Variants in RPH3A observed in about 807,000 individuals in gnomAD.
RPH3A encodes the protein rabphilin-3A.
A neutral mutation model predicts 102.2 loss-of-function variants in RPH3A; 48 were observed. That is an observed-to-expected ratio of 0.47 (90% confidence interval 0.37 to 0.60). RPH3A has a LOEUF of 0.60. Ranked by LOEUF, RPH3A falls within the 20% of genes least tolerant of loss-of-function variation. RPH3A has a pLI of 0.00. For missense variants in RPH3A, 781 were observed against 910.1 expected, an observed-to-expected ratio of 0.86 and a Z score of 1.83; for synonymous variants, 310 against 324.3, an observed-to-expected ratio of 0.96 and a Z score of 0.47.
chr12:112,746,040 A>G (rs1484897835), intron 1 of RPH3A, among the ~76,000 whole-genome samples: 1 of 151,920 alleles, frequency 6.6e-6, no homozygotes, highest in African/African-American at 2.4e-5. Context: ...GTGAATCCAG[A>G]TGAGGTTAAG....
chr12:112,796,907 T>A (rs1009900934), intron 2 of RPH3A, among the ~76,000 whole-genome samples: 4 of 152,008 alleles, frequency 2.6e-5, no homozygotes, highest in Admixed American at 6.6e-5. Context: ...AAAATTAGCT[T>A]GGTGTGGTGG....
intron 4 of RPH3A, among the ~76,000 whole-genome samples, chr12:112,845,837 A>G (rs1207510583): frequency 6.6e-6 from 1 of 152,156 alleles, no homozygotes; most frequent in African/African-American, 2.4e-5. Context: ...AATTTAAAAG[A>G]TAACTTCAGC....
chr12:112,724,995 T>A (rs1314088951), intron 1 of RPH3A, among the ~76,000 whole-genome samples: 1 of 146,694 alleles, frequency 6.8e-6, no homozygotes, highest in Non-Finnish European at 1.5e-5. Context: ...ATGCCTGTAA[T>A]CCCGGCACTT....
At chr12:112,646,429 A>C (rs1051872938) in intron 1 of RPH3A, among the ~76,000 whole-genome samples, 1 of 152,112 alleles carries the variant, frequency 6.6e-6, no homozygotes, top group Non-Finnish European at 1.5e-5. Context: ...CCTCTTTTTA[A>C]GAGCAAAAAT....
intron 1 of RPH3A, among the ~76,000 whole-genome samples, chr12:112,691,509 T>A (rs1184222890): frequency 6.6e-6 from 1 of 152,238 alleles, no homozygotes; most frequent in African/African-American, 2.4e-5. Flanking sequence ...TGTCCAGAAG[T>A]ACAGTACCCT....
Position 112,868,468 on chromosome 12 carries a change from C to T in RPH3A, c.483C>T (p.Phe161=). The part of the protein sequence containing the change: ...KRSGAWFFKG[F]PKQVLPQPMP... The stretch of plus-strand genomic sequence containing the variant: ...CTGGAGCGTGGTTCTTCAAAGGCTT[C>T]CCCAAACAGGTCCTCCCACAGCCTA... Residue 161 remains phenylalanine (F), a synonymous_variant, in exon 8 of 22, where the codon TTC becomes TTT. Coordinates refer to ENST00000389385, the MANE Select transcript of RPH3A (RefSeq NM_001143854.2). 1 of 1,614,174 alleles carries T rather than the reference C, an allele frequency of 6.2e-7. No individual in the cohort carries two copies. The highest frequency in any genetic ancestry group is 1.1e-5 in the South Asian group (1 of 91,076).
chr12:112,885,178 T>C (rs2042984390), intron 16 of RPH3A, among the ~76,000 whole-genome samples: 1 of 152,262 alleles, frequency 6.6e-6, no homozygotes, highest in African/African-American at 2.4e-5. Flanking sequence ...AACATTCTAG[T>C]AGCTGTTTCT....
intron 1 of RPH3A, among the ~76,000 whole-genome samples, chr12:112,765,876 G>T (rs1332396500): frequency 6.6e-6 from 1 of 152,160 alleles, no homozygotes; most frequent in Non-Finnish European, 1.5e-5. Flanking sequence ...AATAGAGGTT[G>T]TTGCAGGAAA....
rs541609278 is a variant in RPH3A, at chr12:112,642,553, T to C, written c.-140+67234T>C. Among the ~76,000 whole-genome samples, 76 of 152,322 alleles carry C rather than the reference T, an allele frequency of 5.0e-4. No individual in the cohort carries two copies. In the Middle Eastern group the frequency reaches 0.01, roughly 20 times the overall value. Reference sequence around the variant, plus strand: ...CTGGCAATTCTATACAATCAGTATGTGGCAGTGTTGGGATTCAACCTTGGG... The same window carrying C: ...CTGGCAATTCTATACAATCAGTATGCGGCAGTGTTGGGATTCAACCTTGGG... On this transcript the variant is annotated intron_variant, in intron 1 of 21. Coordinates refer to the RPH3A transcript ENST00000543106.
chr12:112,729,472 C>T (rs564951955), intron 1 of RPH3A, among the ~76,000 whole-genome samples: 3 of 152,208 alleles, frequency 2.0e-5, no homozygotes, highest in Non-Finnish European at 2.9e-5. Context: ...AGGCATGAGC[C>T]GCTGCACTCG....
chr12:112,782,757 A>T (rs1443862906), intron 1 of RPH3A, among the ~76,000 whole-genome samples: 1 of 152,166 alleles, frequency 6.6e-6, no homozygotes, highest in Non-Finnish European at 1.5e-5. Flanking sequence ...TCTGGTGTGG[A>T]GCTGCTTCAC....
intron 1 of RPH3A, among the ~76,000 whole-genome samples, chr12:112,725,639 T>C (rs1447723467): frequency 6.6e-6 from 1 of 152,190 alleles, no homozygotes; most frequent in African/African-American, 2.4e-5. Flanking sequence ...CAATCAGAGG[T>C]TGGTGTTCTT....
At chr12:112,808,722 T>C (rs575360310) in intron 2 of RPH3A, among the ~76,000 whole-genome samples, 57 of 152,310 alleles carry the variant, frequency 3.7e-4, no homozygotes, top group Non-Finnish European at 6.6e-4. Context: ...GTACCGGTAT[T>C]GCCTGGAACT....
At chr12:112,764,124 G>T (rs931658623) in intron 1 of RPH3A, among the ~76,000 whole-genome samples, 8 of 152,172 alleles carry the variant, frequency 5.3e-5, no homozygotes, top group Non-Finnish European at 7.3e-5. Context: ...AACCTGGAAG[G>T]TTTGCTAAAA....
At chr12:112,662,016 C>T (rs1045038284) in intron 1 of RPH3A, among the ~76,000 whole-genome samples, 20 of 152,158 alleles carry the variant, frequency 1.3e-4, no homozygotes, top group African/African-American at 3.6e-4. Flanking sequence ...TTTCTTCTGA[C>T]TGAGACATAA....
chr12:112,729,586 C>T (rs1442529408), intron 1 of RPH3A, among the ~76,000 whole-genome samples: 1 of 152,150 alleles, frequency 6.6e-6, no homozygotes, highest in African/African-American at 2.4e-5. Flanking sequence ...AGCCATTACA[C>T]TGGGTAACAA....
At chr12:112,887,721 G>C (rs2043026674) in intron 16 of RPH3A, 76 bp from the exon 17 acceptor site, 5 of 1,485,422 alleles carry the variant, frequency 3.4e-6, no homozygotes, top group Non-Finnish European at 2.8e-6. Flanking sequence ...ACCAGTATCA[G>C]CTGCAACTCT....
At chr12:112,691,047 C>T (rs1462212480) in intron 1 of RPH3A, among the ~76,000 whole-genome samples, 2 of 150,872 alleles carry the variant, frequency 1.3e-5, no homozygotes, top group African/African-American at 2.4e-5. Flanking sequence ...TTTTTTGAGA[C>T]GGAGTCTCGC....
At chr12:112,606,461 A>T (rs2039597667) in intron 1 of RPH3A, among the ~76,000 whole-genome samples, 1 of 152,034 alleles carries the variant, frequency 6.6e-6, no homozygotes, top group African/African-American at 2.4e-5. Flanking sequence ...GGCTCACTGT[A>T]ATCTCTGCCT....
Sources: gnomAD v4.1 joint callset for allele counts (sites outside exome capture counted in the v4.1 genomes callset) on GRCh38, gnomAD v4.1.1 for gene constraint, MANE v1.5 for transcripts, NCBI Gene and HGNC (gene_info 2026-07-23, HGNC 2026-07-21) for gene names.